SYNE1: variants seen among roughly 807,000 people sequenced by gnomAD.
SYNE1 encodes nesprin-1.
Under a neutral mutation model 1,111.0 loss-of-function variants are expected in SYNE1, and 616 were observed. The ratio of observed to expected loss-of-function variants is 0.55; its 90% CI spans 0.52 to 0.59. The LOEUF (loss-of-function observed/expected upper bound fraction) is 0.59. Ranked by LOEUF, SYNE1 falls within the 20% of genes least tolerant of loss-of-function variation. The pLI is 0.00. For synonymous variants in SYNE1, 3,855 were observed against 3,825.8 expected (o/e 1.01, Z -0.28); for missense variants, 10,006 against 10,417.0 (o/e 0.96, Z 1.72).
chr6:152,468,605 A>G (rs1203899498), intron 16 of SYNE1, among the ~76,000 whole-genome samples: 3 of 152,178 alleles, frequency 2.0e-5, no homozygotes, highest in African/African-American at 4.8e-5. Context: ...AGTTGGATGT[A>G]CATTCTCTTT....
chr6:152,441,076 GT>G (rs1335579458), intron 32 of SYNE1, 53 bp downstream of exon 32: 1 of 1,600,278 alleles, frequency 6.2e-7, no homozygotes, highest in African/African-American at 1.3e-5. Flanking sequence ...AAATCATTTT[GT>G]TTGTTTTGCT....
chr6:152,164,347 T>C (rs764649772), intron 130 of SYNE1, 22 bp from the exon 131 acceptor site: 3 of 1,613,848 alleles, frequency 1.9e-6, no homozygotes, highest in South Asian at 1.1e-5. Flanking sequence ...GAAGGGGGAA[T>C]GTCCCACTTC....
intron 10 of SYNE1, among the ~76,000 whole-genome samples, chr6:152,501,713 C>T (rs566491907): frequency 1.3e-4 from 19 of 145,580 alleles, no homozygotes; most frequent in African/African-American, 4.6e-4. Flanking sequence ...CCAGCCTGGG[C>T]GAAAGAGCAA....
Position 152,572,243 on chromosome 6 carries a change from T to C in SYNE1, c.68-32222A>G, listed in dbSNP as rs1332181153. 7.2e-5 allele frequency among the ~76,000 whole-genome samples: 11 copies of C among 152,326 alleles called. No homozygotes were observed. The South Asian group carries it at 8.3e-4, about 11-fold the overall frequency. On this transcript the variant is annotated intron_variant, in intron 3 of 145. Transcript: ENST00000367255. ...GAGGTAATGTTACTACCATCTTACG[T>C]AAATTCAAACTTTTACAAACCAAAG... is the stretch of plus-strand genomic sequence containing the variant.
intron 93 of SYNE1, among the ~76,000 whole-genome samples, chr6:152,296,219 A>C (rs1351622999): frequency 1.3e-5 from 2 of 152,018 alleles, no homozygotes; most frequent in Non-Finnish European, 2.9e-5. Context: ...GCACTGACAA[A>C]CCCTTTCCGG....
Position 152,180,155 on chromosome 6 carries a change from A to G in SYNE1, c.23441T>C (p.Met7814Thr). ...CCATACCTTCTTGAGCTTCTCTATCATTTCTTCAATGAGAATGTCTCCATT... is the reference window on the plus strand; with the variant it reads ...CCATACCTTCTTGAGCTTCTCTATCGTTTCTTCAATGAGAATGTCTCCATT... The part of the protein sequence containing the change: ...SQNGDILIEE[M>T]IEKLKKDYQE... The change falls in exon 129 of 146, where the codon ATG (methionine) becomes ACG (threonine). Residue 7814 changes from methionine (M) to threonine (T), a missense_variant. Physicochemically the swap from Met to Thr is moderately conservative, Grantham distance 81 (BLOSUM62 -1). Coordinates refer to ENST00000367255, the MANE Select transcript of SYNE1 (RefSeq NM_182961.4). 1 of 1,614,014 alleles carries G rather than the reference A, an allele frequency of 6.2e-7. No homozygotes were observed.
intron 65 of SYNE1, 38 bp from the exon 66 acceptor site, chr6:152,358,575 ATTACT>A (rs2096878566): frequency 1.9e-6 from 3 of 1,606,170 alleles, no homozygotes; most frequent in Non-Finnish European, 2.6e-6. Context: ...TTAGGAACAC[ATTACT>A]TTATAAAGCA....
Position 152,395,548 on chromosome 6 carries a change from A to G in SYNE1, c.7680T>C (p.Val2560=). 6.2e-7 allele frequency: 1 copy of G among 1,614,022 alleles called. No individual in the cohort carries two copies. The highest frequency in any genetic ancestry group is 2.2e-5 in the East Asian group (1 of 44,860). Residue 2560 remains valine (V), a synonymous_variant, in exon 51 of 146, where the codon GTT becomes GTC. Coordinates refer to ENST00000367255, the MANE Select transcript of SYNE1 (RefSeq NM_182961.4). ...CCAGCAGTTCTCCCAAAAACATTTC[A>G]ACTTTATGAACTTCATTTTTCTTCT... The part of the protein sequence containing the change: ...IPEKKNEVHK[V]EMFLGELLAA...
chr6:152,313,774 G>C (rs112750594), intron 87 of SYNE1, among the ~76,000 whole-genome samples: 422 of 152,164 alleles, frequency 2.8e-3, no homozygotes, highest in Non-Finnish European at 4.9e-3. Context: ...ATAAACACAG[G>C]CTGCTTTACT....
At chr6:152,360,701 AG>A (rs1464181519) in intron 64 of SYNE1, among the ~76,000 whole-genome samples, 1 of 152,242 alleles carries the variant, frequency 6.6e-6, no homozygotes, top group Admixed American at 6.5e-5. Flanking sequence ...TTGATTGAAT[AG>A]ATGAACAATC....
chr6:152,626,601 C>T (rs369855885), intron 3 of SYNE1, among the ~76,000 whole-genome samples: 28 of 152,228 alleles, frequency 1.8e-4, no homozygotes, highest in African/African-American at 5.1e-4. Context: ...AGGTCTAGAC[C>T]CATCTATATA....
chr6:152,536,453 AT>A (rs1421397252), intron 4 of SYNE1, among the ~76,000 whole-genome samples: 1 of 138,570 alleles, frequency 7.2e-6, no homozygotes, highest in Non-Finnish European at 1.5e-5. Flanking sequence ...AGTAATATAT[AT>A]TTATATATAT....
chr6:152,605,031 A>AGGGG (rs1438732977), intron 3 of SYNE1, among the ~76,000 whole-genome samples: 1 of 56,532 alleles, frequency 1.8e-5, no homozygotes, highest in Admixed American at 2.0e-4. Context: ...AGAGAGAGAG[A>AGGGG]GAGAGGGAGG....
intron 62 of SYNE1, among the ~76,000 whole-genome samples, chr6:152,366,657 T>C (rs751379915): frequency 2.6e-5 from 4 of 152,190 alleles, no homozygotes; most frequent in Non-Finnish European, 5.9e-5. Flanking sequence ...GTTGTTGTCT[T>C]CTATATTTCG....
intron 131 of SYNE1, among the ~76,000 whole-genome samples, chr6:152,156,969 AGGTACCCGCCATCATGCCTGGCT>A (rs1336495389): frequency 6.6e-6 from 1 of 152,098 alleles, no homozygotes; most frequent in Non-Finnish European, 1.5e-5. Context: ...CTGGGATTAC[AGGTACCCGCCATCATGCCTGGCT>A]GGTTTTTGTA....
At chr6:152,383,129 T>A (rs1428573119) in intron 55 of SYNE1, among the ~76,000 whole-genome samples, 1 of 152,226 alleles carries the variant, frequency 6.6e-6, no homozygotes, top group Non-Finnish European at 1.5e-5. Context: ...AGGCTGGACC[T>A]GAACTTCTGA....
intron 25 of SYNE1, among the ~76,000 whole-genome samples, chr6:152,452,910 T>C (rs745896048): frequency 2.0e-5 from 3 of 152,230 alleles, no homozygotes; most frequent in Non-Finnish European, 4.4e-5. Flanking sequence ...CACCCCCTGC[T>C]TACTCCCATT....
chr6:152,167,843 G>A (rs760680926), intron 130 of SYNE1: 1 of 647,538 alleles, frequency 1.5e-6, no homozygotes, highest in Non-Finnish European at 3.0e-6. Context: ...CTCCTTGTAT[G>A]ACGCATACGG....
rs1176104522 is a variant in SYNE1 at position 152,488,456 on chromosome 6, T to C, written c.987A>G (p.Gln329=). 6.2e-7 allele frequency: 1 copy of C among 1,609,468 alleles called. No individual in the cohort carries two copies. The highest frequency in any genetic ancestry group is 8.5e-7 in the Non-Finnish European group (1 of 1,177,194). ...GTGCTCTTGTCAAATCTCTCTCAAA[T>C]TGTTCTATCCAAACTTTCATTTCCT... is the stretch of plus-strand genomic sequence containing the variant. ...IFKEMKVWIE[Q]FERDLTRAQM... is the part of the protein sequence containing the mutation. The change falls in exon 12 of 146, where the codon CAA becomes CAG. Residue 329 remains glutamine (Q), a synonymous_variant. Coordinates refer to ENST00000367255, the MANE Select transcript of SYNE1 (RefSeq NM_182961.4).
Sources: allele counts gnomAD v4.1 joint callset (sites outside exome capture counted in the v4.1 genomes callset), GRCh38; gene constraint gnomAD v4.1.1; transcripts MANE v1.5; gene names NCBI Gene and HGNC (gene_info 2026-07-23, HGNC 2026-07-21).